GRID2: variants seen among roughly 807,000 people sequenced by gnomAD.
GRID2 encodes the protein glutamate ionotropic receptor delta type subunit 2, also known as glutamate receptor ionotropic, delta-2.
A neutral mutation model predicts 114.8 loss-of-function variants in GRID2; 33 were observed. The observed-to-expected ratio is 0.29, with a 90% CI of 0.22 to 0.38. The LOEUF (loss-of-function observed/expected upper bound fraction) is 0.38. Among genes scored for constraint, GRID2 ranks in the 10% least tolerant of loss-of-function variants. The pLI, the probability that GRID2 is intolerant of heterozygous loss-of-function variation, is 1.00. For missense variants in GRID2, 1,184 were observed against 1,257.7 expected, an observed-to-expected ratio of 0.94 and a Z score of 0.89; for synonymous variants, 505 against 449.9, an observed-to-expected ratio of 1.12 and a Z score of -1.55.
intron 2 of GRID2, among the ~76,000 whole-genome samples, chr4:92,929,540 G>C (rs1480110477): frequency 6.6e-6 from 1 of 151,306 alleles, no homozygotes; most frequent in East Asian, 1.9e-4. Context: ...CAAAATAACA[G>C]ACTGACATAA....
chr4:93,771,952 A>T, intron 15 of GRID2, 124 bp from the exon 16 acceptor site: 2 of 634,812 alleles, frequency 3.2e-6, no homozygotes, highest in Non-Finnish European at 5.5e-6. Flanking sequence ...GTGCTCAATA[A>T]ATATTTGTTA....
At chr4:93,060,909 A>G (rs1048746557) in intron 2 of GRID2, among the ~76,000 whole-genome samples, 1 of 151,946 alleles carries the variant, frequency 6.6e-6, no homozygotes, top group African/African-American at 2.4e-5. Context: ...TCGAGACCAG[A>G]CTGGCCAAAA....
intron 1 of GRID2, among the ~76,000 whole-genome samples, chr4:92,557,429 A>G (rs368956116): frequency 6.6e-6 from 1 of 151,436 alleles, no homozygotes; most frequent in South Asian, 2.1e-4. Flanking sequence ...AGACATGGAA[A>G]ATTATGCATG....
chr4:93,150,678 C>G (rs973330270), intron 4 of GRID2, among the ~76,000 whole-genome samples: 1 of 151,790 alleles, frequency 6.6e-6, no homozygotes, highest in African/African-American at 2.4e-5. Context: ...TGTCTGTGTC[C>G]TCTCTGAAAT....
At chr4:92,648,269 G>A (rs1731745280) in intron 2 of GRID2, among the ~76,000 whole-genome samples, 2 of 149,538 alleles carry the variant, frequency 1.3e-5, no homozygotes, top group African/African-American at 5.0e-5. Context: ...AAATGAGGTA[G>A]GTAATTATTA....
chr4:92,792,728 T>A (rs1188270810), intron 2 of GRID2, among the ~76,000 whole-genome samples: 1 of 151,880 alleles, frequency 6.6e-6, no homozygotes, highest in Non-Finnish European at 1.5e-5. Flanking sequence ...ATATTTGCTA[T>A]GTCTCCCACT....
At chr4:92,429,137 C>T (rs6817147) in intron 1 of GRID2, among the ~76,000 whole-genome samples, 138,886 of 152,198 alleles carry the variant, frequency 0.91, 63,582 homozygotes, top group East Asian at 1. Flanking sequence ...TTGTGTTAAT[C>T]TGCTGAGAAT....
chr4:92,760,282 G>A (rs944339646), intron 2 of GRID2, among the ~76,000 whole-genome samples: 3 of 148,054 alleles, frequency 2.0e-5, no homozygotes, highest in Non-Finnish European at 4.5e-5. Context: ...ATTTGAAGAA[G>A]TCAGTTAGTG....
chr4:92,404,003 A>G (rs1730916995), intron 1 of GRID2, among the ~76,000 whole-genome samples: 1 of 152,162 alleles, frequency 6.6e-6, no homozygotes, highest in Non-Finnish European at 1.5e-5. Flanking sequence ...AGATTAACAT[A>G]ATAATGAAAA....
chr4:92,806,037 C>A (rs1289807685), intron 2 of GRID2, among the ~76,000 whole-genome samples: 3 of 151,718 alleles, frequency 2.0e-5, no homozygotes, highest in Admixed American at 6.6e-5. Flanking sequence ...TCCCAAAATT[C>A]TAAATTATCT....
chr4:92,388,364 A>G (rs1003140467), intron 1 of GRID2, among the ~76,000 whole-genome samples: 1 of 152,000 alleles, frequency 6.6e-6, no homozygotes, highest in Admixed American at 6.6e-5. Context: ...AGTATTCCCA[A>G]TACCACGGTT....
chr4:93,095,418 A>G (rs1038698544), intron 3 of GRID2, among the ~76,000 whole-genome samples: 17 of 152,072 alleles, frequency 1.1e-4, no homozygotes, highest in Non-Finnish European at 1.6e-4. Context: ...TAAAAAGAAT[A>G]CATATCCTCC....
rs531980019 is a variant in GRID2 at position 92,770,645 on chromosome 4, G to A, written c.244+180359G>A. Among the ~76,000 whole-genome samples the A allele has an allele frequency of 2.0e-5, 3 of 152,280 alleles. No homozygotes were observed. The South Asian group carries it at 6.2e-4, about 32-fold the overall frequency. On this transcript the variant is annotated intron_variant, in intron 2 of 15. Coordinates refer to ENST00000282020, the MANE Select transcript of GRID2 (RefSeq NM_001510.4). ...AGGAGGGGCAATTCATGTCTTACAT[G>A]AATGGTGGCAGGCAAAGAGAGAACT...
At chr4:93,720,780 T>A (rs1200412923) in intron 14 of GRID2, among the ~76,000 whole-genome samples, 1 of 152,218 alleles carries the variant, frequency 6.6e-6, no homozygotes, top group African/African-American at 2.4e-5. Flanking sequence ...TGTAGAGTTC[T>A]GCGTAAACAT....
intron 2 of GRID2, among the ~76,000 whole-genome samples, chr4:92,932,527 T>C (rs1178774669): frequency 6.6e-6 from 1 of 151,234 alleles, no homozygotes; most frequent in African/African-American, 2.4e-5. Context: ...TTAATATCTG[T>C]CAATCCTAAA....
chr4:92,587,074 T>C (rs1341870963), intron 1 of GRID2, among the ~76,000 whole-genome samples: 2 of 149,884 alleles, frequency 1.3e-5, no homozygotes, highest in Admixed American at 1.3e-4. Flanking sequence ...CAATAAGAAA[T>C]ATATAGAGAG....
intron 10 of GRID2, among the ~76,000 whole-genome samples, chr4:93,446,518 G>C (rs1372162612): frequency 6.6e-6 from 1 of 151,986 alleles, no homozygotes; most frequent in Non-Finnish European, 1.5e-5. Context: ...ATACCTAATA[G>C]AGATCAGGCT....
intron 2 of GRID2, among the ~76,000 whole-genome samples, chr4:92,652,968 TTATAAATACA>T (rs1732038378): frequency 8.2e-6 from 1 of 121,538 alleles, no homozygotes; most frequent in Non-Finnish European, 1.8e-5. Flanking sequence ...ATAAACATAT[TTATAAATACA>T]TATAAATATA....
At chr4:93,348,851 A>T (rs1327691514) in intron 8 of GRID2, among the ~76,000 whole-genome samples, 1 of 152,200 alleles carries the variant, frequency 6.6e-6, no homozygotes, top group Non-Finnish European at 1.5e-5. Context: ...TATTCCTAGT[A>T]TATGTTTGCA....
Sources: allele counts gnomAD v4.1 joint callset (sites outside exome capture counted in the v4.1 genomes callset), GRCh38; gene constraint gnomAD v4.1.1; transcripts MANE v1.5; gene names NCBI Gene and HGNC (gene_info 2026-07-23, HGNC 2026-07-21).